The following NTM variants were observed in gnomAD, a reference collection of about 807,000 sequenced individuals.
NTM encodes the protein neurotrimin.
A neutral mutation model predicts 42.1 loss-of-function variants in NTM; 13 were observed. That is an observed-to-expected ratio of 0.31 (90% CI 0.20 to 0.49). The LOEUF (loss-of-function observed/expected upper bound fraction) is 0.49, where lower values mean the gene tolerates loss of function less well. Among genes scored for constraint, NTM ranks in the 20% least tolerant of loss-of-function variants. The pLI is 0.99. For missense variants in NTM, 373 were observed against 452.8 expected, an observed-to-expected ratio of 0.82 and a Z score of 1.60; for synonymous variants, 187 against 179.2, an observed-to-expected ratio of 1.04 and a Z score of -0.35.
chr11:131,823,151 G>A (rs532816706), intron 1 of NTM, among the ~76,000 whole-genome samples: 2 of 152,310 alleles, frequency 1.3e-5, no homozygotes, highest in African/African-American at 4.8e-5. Context: ...CTTGGGAGGG[G>A]AGATACACTG....
At chr11:132,215,706 C>T (rs2138743062) in intron 4 of NTM, among the ~76,000 whole-genome samples, 1 of 152,336 alleles carries the variant, frequency 6.6e-6, no homozygotes, top group African/African-American at 2.4e-5. Context: ...GGCATTATGC[C>T]TTTGTAGTTC....
At chr11:131,867,755 C>A (rs1241306004) in intron 1 of NTM, among the ~76,000 whole-genome samples, 1 of 151,964 alleles carries the variant, frequency 6.6e-6, no homozygotes, top group East Asian at 1.9e-4. Context: ...TATGTATATG[C>A]CTGTGTGTAT....
At chr11:131,635,602 A>G (rs943678721) in intron 1 of NTM, among the ~76,000 whole-genome samples, 1 of 152,210 alleles carries the variant, frequency 6.6e-6, no homozygotes, top group Non-Finnish European at 1.5e-5. Context: ...AAAAAGTTGT[A>G]ATACAAGTTG....
chr11:132,278,779 C>A (rs2093842985), intron 4 of NTM, among the ~76,000 whole-genome samples: 1 of 138,856 alleles, frequency 7.2e-6, no homozygotes, highest in Non-Finnish European at 1.6e-5. Context: ...CTCTCTCTCT[C>A]TCTCTTTACT....
intron 1 of NTM, among the ~76,000 whole-genome samples, chr11:131,428,435 CTT>C (rs1948362404): frequency 6.6e-6 from 1 of 152,160 alleles, no homozygotes; most frequent in Non-Finnish European, 1.5e-5. Context: ...TGTGTGGCCT[CTT>C]TCCTCTTCCA....
intron 1 of NTM, among the ~76,000 whole-genome samples, chr11:131,784,116 AAACTT>A (rs1277732583): frequency 6.6e-6 from 1 of 152,170 alleles, no homozygotes; most frequent in African/African-American, 2.4e-5. Context: ...GGATAAATAA[AAACTT>A]AAAAGACTGA....
At chr11:132,286,646 C>G (rs2139931904) in intron 4 of NTM, among the ~76,000 whole-genome samples, 1 of 152,304 alleles carries the variant, frequency 6.6e-6, no homozygotes, top group African/African-American at 2.4e-5. Flanking sequence ...TGGGCACCAT[C>G]TCTGGGGGAT....
Position 132,116,023 on chromosome 11 carries a change from C to T in NTM, c.168-30259C>T, listed in dbSNP as rs191281512. Among the ~76,000 whole-genome samples the T allele has an allele frequency of 2.0e-5, 3 of 152,344 alleles. No homozygotes were observed. In the East Asian group the frequency reaches 5.8e-4, roughly 29 times the overall value. ...TCTTCTAAACTCAGCTCAGGTGTGGCCTTCTCTGCGTCTCTCTGAGCATTT... is the reference window on the plus strand; with the variant it reads ...TCTTCTAAACTCAGCTCAGGTGTGGTCTTCTCTGCGTCTCTCTGAGCATTT... On this transcript the variant is annotated intron_variant, in intron 2 of 8. Transcript: ENST00000683400.
chr11:132,222,656 C>T (rs921097235), intron 4 of NTM, among the ~76,000 whole-genome samples: 23 of 152,158 alleles, frequency 1.5e-4, no homozygotes, highest in African/African-American at 5.3e-4. Flanking sequence ...GCCTTTTGCA[C>T]TAGAACCCGG....
chr11:132,144,196 C>T (rs1421526847), intron 2 of NTM, among the ~76,000 whole-genome samples: 12 of 152,118 alleles, frequency 7.9e-5, no homozygotes. Flanking sequence ...AAACTCATGT[C>T]TAGATATGAA....
At chr11:131,450,902 A>G (rs1438511927) in intron 1 of NTM, among the ~76,000 whole-genome samples, 3 of 152,180 alleles carry the variant, frequency 2.0e-5, no homozygotes, top group African/African-American at 7.2e-5. Context: ...TTGTTGAATA[A>G]ATAAACCTTT....
At chr11:132,314,098 T>G (rs2095358704) in intron 6 of NTM, among the ~76,000 whole-genome samples, 1 of 149,786 alleles carries the variant, frequency 6.7e-6, no homozygotes, top group Non-Finnish European at 1.5e-5. Context: ...TCGAAAAACA[T>G]TTTTCTTTCA....
intron 1 of NTM, among the ~76,000 whole-genome samples, chr11:131,449,955 G>C (rs779237431): frequency 6.6e-6 from 1 of 152,134 alleles, no homozygotes; most frequent in Non-Finnish European, 1.5e-5. Context: ...ACTCACGCAC[G>C]CATTGGATTA....
intron 1 of NTM, among the ~76,000 whole-genome samples, chr11:131,507,132 T>C (rs73026145): frequency 0.13 from 19,372 of 152,210 alleles, 1,443 homozygotes; most frequent in East Asian, 0.26. Flanking sequence ...TTCTTTCCAC[T>C]TCAGGGATGA....
chr11:132,025,898 CT>C (rs1290389725), intron 2 of NTM, among the ~76,000 whole-genome samples: 3 of 152,170 alleles, frequency 2.0e-5, no homozygotes, highest in African/African-American at 7.2e-5. Flanking sequence ...TGGAAGCAAC[CT>C]CCCAGCTTTG....
At chr11:132,334,453 C>A (rs916139110) in intron 8 of NTM, among the ~76,000 whole-genome samples, 4 of 152,234 alleles carry the variant, frequency 2.6e-5, no homozygotes, top group Admixed American at 2.6e-4. Context: ...GCTCTTACCC[C>A]ATCCAGATGG....
chr11:131,375,885 T>G (rs1011773679), intron 1 of NTM, among the ~76,000 whole-genome samples: 1 of 152,200 alleles, frequency 6.6e-6, no homozygotes, highest in Non-Finnish European at 1.5e-5. Context: ...GATATAGGAC[T>G]GCATCCATTT....
chr11:131,647,518 G>T (rs1299101069), intron 1 of NTM, among the ~76,000 whole-genome samples: 1 of 152,176 alleles, frequency 6.6e-6, no homozygotes, highest in African/African-American at 2.4e-5. Context: ...AAACTTGGGG[G>T]TGTGTGATCT....
chr11:131,812,778 A>G (rs893535375), intron 1 of NTM, among the ~76,000 whole-genome samples: 2 of 152,144 alleles, frequency 1.3e-5, no homozygotes, highest in African/African-American at 2.4e-5. Context: ...CGAAGTGGAG[A>G]GGGAAGATGA....
Sources: allele counts gnomAD v4.1 joint callset (sites outside exome capture counted in the v4.1 genomes callset), GRCh38; gene constraint gnomAD v4.1.1; transcripts MANE v1.5; gene names NCBI Gene and HGNC (gene_info 2026-07-23, HGNC 2026-07-21).